TRPM2: variants seen among roughly 807,000 people sequenced by gnomAD.
TRPM2 encodes estrogen-responsive element-associated gene 1 protein.
A neutral mutation model predicts 174.0 loss-of-function variants in TRPM2; 161 were observed. That is an observed-to-expected ratio of 0.93 (90% CI 0.81 to 1.05). The LOEUF is 1.05. Ranked by LOEUF, TRPM2 falls within the 50% of genes least tolerant of loss-of-function variation. The pLI, the probability that TRPM2 is intolerant of heterozygous loss-of-function variation, is 0.00. For missense variants in TRPM2, 2,057 were observed against 2,038.0 expected, an observed-to-expected ratio of 1.01 and a Z score of -0.18; for synonymous variants, 954 against 861.3, an observed-to-expected ratio of 1.11 and a Z score of -1.88.
At chr21:44,431,555 C>T (rs770978460) in intron 27 of TRPM2, among the ~76,000 whole-genome samples, 13 of 152,124 alleles carry the variant, frequency 8.5e-5, no homozygotes, top group Non-Finnish European at 1.6e-4. Context: ...CTGCAACCTC[C>T]GCCTACTGGG....
chr21:44,411,371 T>C (rs2050101330), intron 19 of TRPM2, among the ~76,000 whole-genome samples: 1 of 152,200 alleles, frequency 6.6e-6, no homozygotes, highest in Non-Finnish European at 1.5e-5. Flanking sequence ...TAAATAGAAT[T>C]GTCCTATTGA....
intron 2 of TRPM2, among the ~76,000 whole-genome samples, chr21:44,358,924 G>A (rs902048350): frequency 1.3e-5 from 2 of 151,948 alleles, no homozygotes; most frequent in African/African-American, 2.4e-5. Flanking sequence ...TGTGAAGAGC[G>A]AAAGAACAAA....
rs1033738163 is a variant in TRPM2, at chr21:44,438,898, C to T, written c.4168-169C>T. On this transcript the variant is annotated intron_variant, in intron 29 of 31. Transcript: ENST00000397928. This position sits in a 1 kb window ranked among gnomAD's most constrained non-coding sequence, Gnocchi z 5.9. The stretch of plus-strand genomic sequence containing the variant: ...CAGGCCTCACAGATGCTGACGTGGA[C>T]GGCGGGTTCTGGGCAATGTCACTGC... 3.2e-5 allele frequency: 18 copies of T among 564,224 alleles called. No individual in the cohort carries two copies. Among genetic ancestry groups the T allele is most frequent in the Middle Eastern group, 4.8e-4 (1 of 2,098 alleles). The allele number at this position is 564,224 out of a possible 1,614,324, so 35.0% of individuals were successfully genotyped here.
intron 9 of TRPM2, among the ~76,000 whole-genome samples, chr21:44,383,229 G>C (rs1361007636): frequency 6.6e-6 from 1 of 152,184 alleles, no homozygotes; most frequent in Non-Finnish European, 1.5e-5. Flanking sequence ...GACTTGAGCT[G>C]TAGTGGCTCT....
In TRPM2 at chr21:44,406,774, C is replaced by A. The variant is rs200731272; in HGVS notation, c.2962+9C>A. 1 of 1,594,582 alleles carries A rather than the reference C, an allele frequency of 6.3e-7. No individual in the cohort carries two copies. The highest frequency in any genetic ancestry group is 2.3e-5 in the East Asian group (1 of 44,094). On this transcript the variant is annotated intron_variant, in intron 19 of 31. Transcript: ENST00000397928. ...CCCGGGCTACATCGACGGTAGGAGC[C>A]GGGCGCCATGGGAGCTCGGGTGGTG...
Position 44,376,759 on chromosome 21 carries a change from TGGGCTGGGGTCCCTTGCA to T in TRPM2, c.952+750_952+767del, listed in dbSNP as rs1442471356. On this transcript the variant is annotated intron_variant, in intron 6 of 31. Transcript: ENST00000397928. This position sits in a 1 kb window ranked among gnomAD's most constrained non-coding sequence, Gnocchi z 4.2. ...GGGAGGTGTCTGACCTGTGGCTGGGTGGGCTGGGGTCCCTTGCAGGGTTCCTTGTGCATCGAACTCCCC... is the reference window on the plus strand; with the variant it reads ...GGGAGGTGTCTGACCTGTGGCTGGGTGGGTTCCTTGTGCATCGAACTCCCC... Among the ~76,000 whole-genome samples the T allele has an allele frequency of 3.3e-5, 5 of 152,090 alleles. No individual in the cohort carries two copies. The highest frequency in any genetic ancestry group is 7.4e-5 in the Non-Finnish European group (5 of 68,004).
At chr21:44,431,471 T>C (rs1359187074) in intron 27 of TRPM2, among the ~76,000 whole-genome samples, 1 of 152,054 alleles carries the variant, frequency 6.6e-6, no homozygotes, top group Non-Finnish European at 1.5e-5. Flanking sequence ...TGATGTACTT[T>C]TAGCTTTTTT....
At chr21:44,383,159 T>A (rs148863661) in intron 9 of TRPM2, among the ~76,000 whole-genome samples, 33 of 152,344 alleles carry the variant, frequency 2.2e-4, no homozygotes, top group African/African-American at 7.7e-4. Flanking sequence ...CTTTAGCTCC[T>A]CTACCTCTGA....
intron 4 of TRPM2, among the ~76,000 whole-genome samples, chr21:44,368,110 C>T (rs1328028542): frequency 6.6e-6 from 1 of 152,262 alleles, no homozygotes; most frequent in Non-Finnish European, 1.5e-5. Flanking sequence ...CTATCTCCAT[C>T]CTTCCATCCA....
At chr21:44,422,800 A>C (rs2050598866) in intron 22 of TRPM2, among the ~76,000 whole-genome samples, 1 of 129,688 alleles carries the variant, frequency 7.7e-6, no homozygotes, top group Non-Finnish European at 1.6e-5. Context: ...ACAGAAGCCA[A>C]ATACTCCCAG....
rs1389226256 is a variant in TRPM2 at position 44,366,717 on chromosome 21, C to T, written c.424-37C>T. The T allele has an allele frequency of 2.6e-5, 42 of 1,612,676 alleles. No individual in the cohort carries two copies. The highest frequency in any genetic ancestry group is 2.0e-4 in the Admixed American group (12 of 59,990). On this transcript the variant is annotated intron_variant, in intron 3 of 31. Transcript: ENST00000397928. The surrounding 1 kb of genome is among the most constrained non-coding windows in gnomAD (Gnocchi z 6.0). ...GGTCGGTGCTGTCCCTGACCACTGA[C>T]ACACAGGTTCCCTCCGCCGTTTTCC...
rs574787967 is a variant in TRPM2 at position 44,422,667 on chromosome 21, C to T, written c.3462-978C>T. On this transcript the variant is annotated intron_variant, in intron 22 of 31. Coordinates refer to ENST00000397928, the MANE Select transcript of TRPM2 (RefSeq NM_003307.4). ...GGACAGCGGATGAGAGCTGGAGACT[C>T]GGGTTTGCCCACAGAGTTATTTTAA... Among the ~76,000 whole-genome samples the T allele has an allele frequency of 3.3e-5, 5 of 152,316 alleles. No homozygotes were observed. The South Asian group carries it at 6.2e-4, about 19-fold the overall frequency.
At chr21:44,378,062 C>A (rs1405666277) in intron 7 of TRPM2, among the ~76,000 whole-genome samples, 1 of 152,158 alleles carries the variant, frequency 6.6e-6, no homozygotes, top group African/African-American at 2.4e-5. Flanking sequence ...GAGTGGGGCG[C>A]CTCTGCTCCC....
chr21:44,406,962 G>A lies in TRPM2; in HGVS notation c.2962+197G>A, dbSNP rs2049908711. 2.0e-5 allele frequency among the ~76,000 whole-genome samples: 3 copies of A among 149,932 alleles called. No individual in the cohort carries two copies. In the South Asian group the frequency reaches 6.3e-4, roughly 31 times the overall value. On this transcript the variant is annotated intron_variant, in intron 19 of 31. Transcript: ENST00000397928. ...GTAGAAGGGGCCCCACCAGGGGAGG[G>A]AGGAGGGGGGCCTGGTGGGGGTGAG...
intron 27 of TRPM2, among the ~76,000 whole-genome samples, chr21:44,427,783 G>T (rs1317996093): frequency 6.6e-6 from 1 of 152,216 alleles, no homozygotes; most frequent in African/African-American, 2.4e-5. Flanking sequence ...GGAACAGGGT[G>T]TGGGCTCCTC....
At chr21:44,416,689 G>A in intron 20 of TRPM2, 1 of 195,956 alleles carries the variant, frequency 5.1e-6, no homozygotes, top group South Asian at 7.2e-5. Context: ...AGGTCTGTGG[G>A]CTGAGTTCTG....
At chr21:44,393,831 C>T (rs1191409360) in intron 11 of TRPM2, among the ~76,000 whole-genome samples, 4 of 151,576 alleles carry the variant, frequency 2.6e-5, no homozygotes, top group African/African-American at 9.7e-5. Flanking sequence ...TCCAGGTGAG[C>T]TCTGTCTGAC....
chr21:44,436,939 C>T (rs2051292179), intron 28 of TRPM2, 123 bp from the exon 29 acceptor site: 4 of 748,518 alleles, frequency 5.3e-6, no homozygotes, highest in Admixed American at 2.8e-5. Flanking sequence ...TGAAAAAGAA[C>T]ACGGTTTGAG....
At chr21:44,400,202 G>A in intron 14 of TRPM2, 57 bp from the exon 15 acceptor site, 1 of 1,476,080 alleles carries the variant, frequency 6.8e-7, no homozygotes, top group Non-Finnish European at 9.4e-7. Context: ...CAGCTGACGG[G>A]CACCATCTGG....
Sources: gnomAD v4.1 joint callset for allele counts (sites outside exome capture counted in the v4.1 genomes callset) on GRCh38, gnomAD v4.1.1 for gene constraint, Gnocchi (gnomAD v3.1) non-coding constraint, MANE v1.5 for transcripts, NCBI Gene and HGNC (gene_info 2026-07-23, HGNC 2026-07-21) for gene names.